The following KAZN variants were observed in gnomAD, a reference collection of about 807,000 sequenced individuals.
KAZN encodes kazrin, periplakin interacting protein, also known as kazrin.
In KAZN, 40 loss-of-function variants were observed where a neutral mutation model predicts 87.4. The ratio of observed to expected loss-of-function variants is 0.46; its 90% CI spans 0.36 to 0.60. The LOEUF is 0.60. Among genes scored for constraint, KAZN ranks in the 20% least tolerant of loss-of-function variants. KAZN has a pLI of 0.00. For synonymous variants in KAZN, 466 were observed against 458.3 expected, an observed-to-expected ratio of 1.02 and a Z score of -0.22; for missense variants, 898 against 1,073.9, an observed-to-expected ratio of 0.84 and a Z score of 2.29.
At chr1:14,454,506 A>G (rs1051707392) in intron 2 of KAZN, among the ~76,000 whole-genome samples, 7 of 152,204 alleles carry the variant, frequency 4.6e-5, no homozygotes, top group African/African-American at 1.7e-4. Flanking sequence ...GGAACTTTCC[A>G]TCCTGCATTA....
intron 1 of KAZN, among the ~76,000 whole-genome samples, chr1:14,158,870 C>G (rs1645651032): frequency 6.6e-6 from 1 of 152,156 alleles, no homozygotes; most frequent in East Asian, 1.9e-4. Context: ...GAGGTACTGC[C>G]TTTATGGTCT....
intron 2 of KAZN, among the ~76,000 whole-genome samples, chr1:14,593,530 A>G (rs185433101): frequency 1.3e-5 from 2 of 152,346 alleles, no homozygotes; most frequent in African/African-American, 4.8e-5. Flanking sequence ...ATGGAATCCA[A>G]GACAAAGAAG....
At chr1:14,991,932 C>G (rs1362686868) in intron 2 of KAZN, among the ~76,000 whole-genome samples, 2 of 152,218 alleles carry the variant, frequency 1.3e-5, no homozygotes, top group Non-Finnish European at 2.9e-5. Context: ...TTCCTTTTGC[C>G]TGGATATCCC....
intron 2 of KAZN, among the ~76,000 whole-genome samples, chr1:14,412,977 A>G (rs181388628): frequency 1.3e-5 from 2 of 148,514 alleles, no homozygotes; most frequent in African/African-American, 4.9e-5. Context: ...GTATAAATAT[A>G]TAAAATATAA....
At chr1:14,822,240 C>T (rs966134935) in intron 1 of KAZN, among the ~76,000 whole-genome samples, 6 of 152,130 alleles carry the variant, frequency 3.9e-5, no homozygotes, top group Non-Finnish European at 5.9e-5. Context: ...CCGAGAATTC[C>T]AGGAGGCACC....
chr1:15,052,066 T>C (rs1674462821), intron 4 of KAZN, among the ~76,000 whole-genome samples: 1 of 152,166 alleles, frequency 6.6e-6, no homozygotes, highest in South Asian at 2.1e-4. Flanking sequence ...AGCATTAAAT[T>C]GCATTTAGTG....
At chr1:14,127,708 G>A (rs947351866) in intron 1 of KAZN, among the ~76,000 whole-genome samples, 1 of 152,158 alleles carries the variant, frequency 6.6e-6, no homozygotes, top group Non-Finnish European at 1.5e-5. Context: ...ACGAGAGAAA[G>A]GCTGTTCCTT....
chr1:14,306,653 C>T (rs1654950964), intron 2 of KAZN, among the ~76,000 whole-genome samples: 1 of 152,180 alleles, frequency 6.6e-6, no homozygotes, highest in African/African-American at 2.4e-5. Flanking sequence ...CAGGCCCCAA[C>T]CCCTGACCAC....
intron 1 of KAZN, among the ~76,000 whole-genome samples, chr1:14,032,456 G>T (rs942456296): frequency 2.0e-5 from 3 of 152,096 alleles, no homozygotes; most frequent in Admixed American, 6.5e-5. Flanking sequence ...ACTGTACCCT[G>T]CAGCCTATCT....
At chr1:14,544,350 C>CTTTTTTTTTTTTTTTTTTTTTTTTTTTTT (rs374148415) in intron 2 of KAZN, among the ~76,000 whole-genome samples, 2 of 98,118 alleles carry the variant, frequency 2.0e-5, no homozygotes, top group Admixed American at 1.4e-4. Flanking sequence ...TTCTTTCTTT[C>CTTTTTTTTTTTTTTTTTTTTTTTTTTTTT]TTTTTTTTTT....
intron 1 of KAZN, among the ~76,000 whole-genome samples, chr1:13,963,648 T>G (rs1481811858): frequency 1.3e-5 from 2 of 152,176 alleles, no homozygotes; most frequent in Non-Finnish European, 2.9e-5. Context: ...AAAATTCTAT[T>G]CATGCATCAA....
At chr1:14,635,495 C>G (rs570935605) in intron 1 of KAZN, among the ~76,000 whole-genome samples, 1 of 152,148 alleles carries the variant, frequency 6.6e-6, no homozygotes, top group Admixed American at 6.5e-5. Context: ...TTGGGTGCCT[C>G]GCGGCTCTAG....
chr1:15,014,999 G>A (rs575105799), intron 2 of KAZN, among the ~76,000 whole-genome samples: 2 of 152,214 alleles, frequency 1.3e-5, no homozygotes, highest in South Asian at 2.1e-4. Context: ...GGGAATCATA[G>A]TAGTTAATAA....
chr1:14,010,114 G>A (rs200377498), intron 1 of KAZN, among the ~76,000 whole-genome samples: 3 of 151,788 alleles, frequency 2.0e-5, no homozygotes, highest in Admixed American at 1.3e-4. Context: ...AAAAAAATTA[G>A]CTATAACTTT....
chr1:14,718,057 G>A (rs1572303988), intron 1 of KAZN, among the ~76,000 whole-genome samples: 2 of 152,190 alleles, frequency 1.3e-5, no homozygotes, highest in African/African-American at 4.8e-5. Context: ...GCCAAAGACC[G>A]CCGGCATTGG....
chr1:14,975,892 C>T (rs1056968379), intron 2 of KAZN, among the ~76,000 whole-genome samples: 4 of 152,048 alleles, frequency 2.6e-5, no homozygotes, highest in Admixed American at 1.3e-4. Flanking sequence ...ATTAACTGGG[C>T]GTAGTGGCGG....
Position 14,933,131 on chromosome 1 carries a change from G to C in KAZN, c.227-27553G>C, listed in dbSNP as rs142553428. Among the ~76,000 whole-genome samples, 528 of 152,234 alleles carry C rather than the reference G, an allele frequency of 3.5e-3. 5 individuals are homozygous for C. Among genetic ancestry groups the C allele is most frequent in the African/African-American group, 0.012 (495 of 41,526 alleles). On this transcript the variant is annotated intron_variant, in intron 1 of 14. Transcript: ENST00000376030. ...TATGAGATGGAGTTTCGCCCTTGTT[G>C]CCCAAGCTGGAGTCCAATGGCACAA...
intron 1 of KAZN, among the ~76,000 whole-genome samples, chr1:14,881,808 A>T (rs1653368078): frequency 6.6e-6 from 1 of 152,178 alleles, no homozygotes; most frequent in African/African-American, 2.4e-5. Flanking sequence ...TGGGGATAAG[A>T]TTACTATTTT....
intron 1 of KAZN, among the ~76,000 whole-genome samples, chr1:14,710,698 G>A (rs750586481): frequency 1.3e-5 from 2 of 152,084 alleles, no homozygotes; most frequent in East Asian, 1.9e-4. Flanking sequence ...CCCAGCCCTC[G>A]CTGTCTCCCT....
Sources: gnomAD v4.1 joint callset for allele counts (sites outside exome capture counted in the v4.1 genomes callset) on GRCh38, gnomAD v4.1.1 for gene constraint, MANE v1.5 for transcripts, NCBI Gene and HGNC (gene_info 2026-07-23, HGNC 2026-07-21) for gene names.